Variants in MYLK observed in about 807,000 individuals in gnomAD.
MYLK encodes the protein myosin light chain kinase.
Under a neutral mutation model 203.4 loss-of-function variants are expected in MYLK, and 106 were observed. The observed-to-expected ratio is 0.52, with a 90% CI of 0.45 to 0.61. MYLK has a LOEUF of 0.61. MYLK is among the 20% of genes least tolerant of loss of function. The probability of loss-of-function intolerance (pLI) is 0.00; values close to 1 mark genes in which losing one functional copy is unlikely to be tolerated. For missense variants in MYLK, 2,072 were observed against 2,442.3 expected (o/e 0.85, Z 3.20); for synonymous variants, 867 against 959.5 (o/e 0.90, Z 1.78).
chr3:123,752,497 G>A lies in MYLK; in HGVS notation c.207C>T (p.Asn69=), dbSNP rs376457425. 2.1e-4 allele frequency: 340 copies of A among 1,613,906 alleles called. 5 individuals are homozygous for A. Among genetic ancestry groups the A allele is most frequent in the South Asian group, 1.1e-3 (101 of 91,074 alleles). The change falls in exon 5 of 34, where the codon AAC becomes AAT. Residue 69 remains asparagine, a synonymous_variant. Coordinates refer to ENST00000360304, the MANE Select transcript of MYLK (RefSeq NM_053025.4). ...GGCCCCCGCTGGTGATGGGTTGCCC[G>A]TTTCTGTGCCATGTCACCTGGGGCT... ...YPEPQVTWHR[N]GQPITSGGRF... is the part of the protein sequence containing the mutation.
At chr3:123,716,834 T>C (rs896973389) in intron 13 of MYLK, among the ~76,000 whole-genome samples, 12 of 152,282 alleles carry the variant, frequency 7.9e-5, no homozygotes, top group African/African-American at 2.9e-4. Context: ...ATTAGTAAAA[T>C]GAGGCTCAAA....
At chr3:123,783,150 T>C (rs992557792) in intron 4 of MYLK, among the ~76,000 whole-genome samples, 1 of 152,144 alleles carries the variant, frequency 6.6e-6, no homozygotes, top group African/African-American at 2.4e-5. Flanking sequence ...TTGGACATCT[T>C]TGTAGCAACT....
intron 4 of MYLK, among the ~76,000 whole-genome samples, chr3:123,784,376 C>CTTTTTTTTTT (rs576849217): frequency 1.3e-5 from 1 of 78,662 alleles, no homozygotes; most frequent in Admixed American, 1.5e-4. Flanking sequence ...GGTTGACTTT[C>CTTTTTTTTTT]TTTTTTTTTT....
At chr3:123,664,697 T>C (rs1223495317) in intron 22 of MYLK, among the ~76,000 whole-genome samples, 2 of 152,190 alleles carry the variant, frequency 1.3e-5, no homozygotes, top group Non-Finnish European at 2.9e-5. Flanking sequence ...ATTAGTTAAG[T>C]GGAAACAACC....
At chr3:123,635,147 C>T (rs1353044103) in intron 29 of MYLK, among the ~76,000 whole-genome samples, 4 of 152,184 alleles carry the variant, frequency 2.6e-5, no homozygotes, top group Non-Finnish European at 5.9e-5. Context: ...ACAGGAGGGG[C>T]TCTGTGGTAC....
chr3:123,778,214 A>G (rs985216500), intron 4 of MYLK, among the ~76,000 whole-genome samples: 1 of 152,164 alleles, frequency 6.6e-6, no homozygotes, highest in African/African-American at 2.4e-5. Flanking sequence ...ACATATACAC[A>G]CAGATATACT....
intron 2 of MYLK, among the ~76,000 whole-genome samples, chr3:123,839,677 A>G (rs190296954): frequency 6.6e-6 from 1 of 152,352 alleles, no homozygotes; most frequent in African/African-American, 2.4e-5. Context: ...GTAAGAATTT[A>G]GAAAGGTGAA....
At chr3:123,836,728 C>T (rs903348176) in intron 2 of MYLK, among the ~76,000 whole-genome samples, 1 of 152,200 alleles carries the variant, frequency 6.6e-6, no homozygotes, top group Non-Finnish European at 1.5e-5. Flanking sequence ...TGGAAACTCT[C>T]AGCCAGGTCA....
intron 13 of MYLK, among the ~76,000 whole-genome samples, chr3:123,720,451 G>A (rs566732766): frequency 1.8e-4 from 27 of 152,270 alleles, no homozygotes; most frequent in African/African-American, 6.0e-4. Flanking sequence ...GGCTCTACGT[G>A]TAGCATTCTG....
At chr3:123,761,224 T>C (rs1248649093) in intron 4 of MYLK, among the ~76,000 whole-genome samples, 3 of 152,192 alleles carry the variant, frequency 2.0e-5, no homozygotes, top group Non-Finnish European at 4.4e-5. Flanking sequence ...TCTGTCTTAT[T>C]CTCTGACAAT....
chr3:123,614,312 G>A lies in MYLK; in HGVS notation c.5538C>T (p.Asp1846=). ...PDPEVVWFKD[D]QSIRESRHFQ... ...AGTGGCGGGACTCCCTGATTGACTGGTCATCTTTGAACCAGACAACCTCGG... is the reference window on the plus strand; with the variant it reads ...AGTGGCGGGACTCCCTGATTGACTGATCATCTTTGAACCAGACAACCTCGG... Residue 1846 remains aspartate (D), a synonymous_variant, in exon 34 of 34, where the codon GAC becomes GAT. Transcript: ENST00000360304. The A allele has an allele frequency of 6.2e-7, 1 of 1,614,136 alleles. No individual in the cohort carries two copies. Among genetic ancestry groups the A allele is most frequent in the South Asian group, 1.1e-5 (1 of 91,074 alleles).
chr3:123,879,756 T>A (rs2148727682), intron 1 of MYLK, among the ~76,000 whole-genome samples: 1 of 152,240 alleles, frequency 6.6e-6, no homozygotes, highest in Middle Eastern at 3.4e-3. Context: ...TGCCTCAGCC[T>A]CCCGAGTTGC....
intron 5 of MYLK, among the ~76,000 whole-genome samples, chr3:123,747,462 G>A (rs993461344): frequency 6.6e-6 from 1 of 152,188 alleles, no homozygotes; most frequent in Non-Finnish European, 1.5e-5. Context: ...GACGGCTCCA[G>A]CCCAGTCAGT....
chr3:123,677,124 T>G (rs2060096162), intron 20 of MYLK, among the ~76,000 whole-genome samples: 1 of 152,226 alleles, frequency 6.6e-6, no homozygotes, highest in Non-Finnish European at 1.5e-5. Flanking sequence ...TTTGCTGCTG[T>G]GTGACCTAAA....
intron 2 of MYLK, among the ~76,000 whole-genome samples, chr3:123,854,163 G>A (rs754335712): frequency 2.0e-5 from 3 of 149,028 alleles, no homozygotes; most frequent in African/African-American, 4.9e-5. Flanking sequence ...AGGCATGATA[G>A]AGTCCAATCA....
chr3:123,859,197 T>C (rs1043029652), intron 2 of MYLK, among the ~76,000 whole-genome samples: 1 of 152,244 alleles, frequency 6.6e-6, no homozygotes, highest in Non-Finnish European at 1.5e-5. Flanking sequence ...AATTCCATTC[T>C]ACACTAAAAA....
rs564538065 is a variant in MYLK at position 123,679,499 on chromosome 3, C to T, written c.3652+2725G>A. 4.6e-5 allele frequency among the ~76,000 whole-genome samples: 7 copies of T among 151,978 alleles called. No homozygotes were observed. The South Asian group carries it at 8.3e-4, about 18-fold the overall frequency. ...AGGGCAGCTAGAGCCAGCCTGGCAC[C>T]GCTCTCAGTGTTGGGGTAGCAGGTT... On this transcript the variant is annotated intron_variant, in intron 20 of 33. Transcript: ENST00000360304.
At chr3:123,789,450 A>C (rs2064683166) in intron 4 of MYLK, among the ~76,000 whole-genome samples, 1 of 151,642 alleles carries the variant, frequency 6.6e-6, no homozygotes, top group African/African-American at 2.4e-5. Flanking sequence ...CACATGGGGG[A>C]GGTTTGGCTC....
At chr3:123,684,663 CAGCCTCCTGAGT>C (rs200477777) in intron 19 of MYLK, among the ~76,000 whole-genome samples, 1,575 of 152,300 alleles carry the variant, frequency 0.01, 11 homozygotes, top group Middle Eastern at 0.037. Flanking sequence ...TCTCATGCCT[CAGCCTCCTGAGT>C]AGCCTCCTGA....
Sources: gnomAD v4.1 joint callset for allele counts (sites outside exome capture counted in the v4.1 genomes callset) on GRCh38, gnomAD v4.1.1 for gene constraint, MANE v1.5 for transcripts, NCBI Gene and HGNC (gene_info 2026-07-23, HGNC 2026-07-21) for gene names.